LDB2: variants seen among roughly 807,000 people sequenced by gnomAD.
The protein encoded by LDB2 is LIM domain binding 2.
LDB2 carries 12 observed loss-of-function variants against 44.3 expected under a neutral mutation model. The ratio of observed to expected loss-of-function variants is 0.27; its 90% CI spans 0.17 to 0.44. The LOEUF is 0.44. LDB2 is among the 20% of genes least tolerant of loss of function. LDB2 has a pLI of 1.00. For missense variants in LDB2, 344 were observed against 473.5 expected, an observed-to-expected ratio of 0.73 and a Z score of 2.54; for synonymous variants, 164 against 174.8, an observed-to-expected ratio of 0.94 and a Z score of 0.49.
intron 2 of LDB2, among the ~76,000 whole-genome samples, chr4:16,717,806 C>A (rs940173553): frequency 1.3e-5 from 2 of 152,262 alleles, no homozygotes; most frequent in African/African-American, 4.8e-5. Flanking sequence ...GTAATGGGGG[C>A]TTCCCAGGCT....
intron 1 of LDB2, among the ~76,000 whole-genome samples, chr4:16,771,174 G>A (rs2109343937): frequency 6.6e-6 from 1 of 152,150 alleles, no homozygotes; most frequent in East Asian, 1.9e-4. Flanking sequence ...GGAGGACTGT[G>A]CCAGGACCAA....
At chr4:16,821,389 T>TTA (rs1554036994) in intron 1 of LDB2, among the ~76,000 whole-genome samples, 978 of 79,968 alleles carry the variant, frequency 0.012, 18 homozygotes, top group Middle Eastern at 0.047. Flanking sequence ...TTTTTTTTAT[T>TTA]TTTTTTTTTT....
chr4:16,844,105 A>AC (rs972028379), intron 1 of LDB2, among the ~76,000 whole-genome samples: 3 of 150,940 alleles, frequency 2.0e-5, no homozygotes, highest in African/African-American at 7.3e-5. Flanking sequence ...AAAAAAAAAA[A>AC]AATTAGCTGG....
chr4:16,676,986 T>C (rs987926239), intron 2 of LDB2, among the ~76,000 whole-genome samples: 1 of 152,174 alleles, frequency 6.6e-6, no homozygotes, highest in African/African-American at 2.4e-5. Context: ...CAAGTTGAGA[T>C]TGGATTCTTG....
chr4:16,532,429 A>C (rs1445194272), intron 5 of LDB2, among the ~76,000 whole-genome samples: 3 of 152,224 alleles, frequency 2.0e-5, no homozygotes, highest in African/African-American at 4.8e-5. Context: ...CCTTTAACCA[A>C]TGAACTGTGG....
chr4:16,543,480 T>G (rs1353215920), intron 5 of LDB2, among the ~76,000 whole-genome samples: 2 of 152,244 alleles, frequency 1.3e-5, no homozygotes, highest in Non-Finnish European at 2.9e-5. Context: ...TGATGTGAGA[T>G]GGTATCTCAT....
At chr4:16,667,447 G>A (rs970765740) in intron 2 of LDB2, among the ~76,000 whole-genome samples, 2 of 152,054 alleles carry the variant, frequency 1.3e-5, no homozygotes, top group African/African-American at 4.8e-5. Flanking sequence ...TCTAGAGGTG[G>A]GACAATTTGG....
chr4:16,856,318 CA>C (rs1789336623), intron 1 of LDB2, among the ~76,000 whole-genome samples: 4 of 152,110 alleles, frequency 2.6e-5, no homozygotes, highest in Admixed American at 2.6e-4. Context: ...TTATATTCAT[CA>C]GCTTGACTAA....
intron 5 of LDB2, among the ~76,000 whole-genome samples, chr4:16,547,409 G>C (rs1365063977): frequency 6.6e-6 from 1 of 152,186 alleles, no homozygotes; most frequent in South Asian, 2.1e-4. Context: ...TACAGTGGCT[G>C]TAGGAAATGG....
chr4:16,611,628 T>C (rs1225423476), intron 2 of LDB2, among the ~76,000 whole-genome samples: 1 of 151,562 alleles, frequency 6.6e-6, no homozygotes, highest in African/African-American at 2.4e-5. Context: ...GGGCATTACA[T>C]AGTGGTAAAC....
intron 2 of LDB2, among the ~76,000 whole-genome samples, chr4:16,662,462 G>A (rs1741857055): frequency 6.6e-6 from 1 of 152,052 alleles, no homozygotes; most frequent in Admixed American, 6.5e-5. Flanking sequence ...ATTAATATTT[G>A]GTAAAAATAT....
chr4:16,817,044 T>A lies in LDB2; in HGVS notation c.133-57784A>T, dbSNP rs1447709403. On this transcript the variant is annotated intron_variant, in intron 1 of 7. Transcript: ENST00000304523. ...CGCCAACAAGACCATGAGCTCTTTG[T>A]GGGGGGAACAGGCCCTGTGAAGGAG... Among the ~76,000 whole-genome samples, 47 of 152,276 alleles carry A rather than the reference T, an allele frequency of 3.1e-4. 2 individuals are homozygous for A. Among genetic ancestry groups the A allele is most frequent in the Non-Finnish European group, 2.9e-5 (2 of 68,024 alleles).
Position 16,672,779 on chromosome 4 carries a change from T to C in LDB2, c.236-76904A>G, listed in dbSNP as rs1366097719. Among the ~76,000 whole-genome samples, 4 of 152,106 alleles carry C rather than the reference T, an allele frequency of 2.6e-5. No homozygotes were observed. In the East Asian group the frequency reaches 7.7e-4, roughly 29 times the overall value. ...TTTCCCTGCAGTAACACTGAGAGAA[T>C]GTTTTCTTCAAGGGAAGAGAAGAAC... is the stretch of plus-strand genomic sequence containing the variant. On this transcript the variant is annotated intron_variant, in intron 2 of 7. Coordinates refer to ENST00000304523, the MANE Select transcript of LDB2 (RefSeq NM_001290.5).
intron 1 of LDB2, among the ~76,000 whole-genome samples, chr4:16,776,587 T>G (rs1771955708): frequency 6.6e-6 from 1 of 152,184 alleles, no homozygotes; most frequent in Non-Finnish European, 1.5e-5. Flanking sequence ...GAGCGCCTAC[T>G]TTGCGCGAGA....
At chr4:16,690,812 A>T (rs1750588527) in intron 2 of LDB2, among the ~76,000 whole-genome samples, 1 of 152,186 alleles carries the variant, frequency 6.6e-6, no homozygotes, top group Admixed American at 6.5e-5. Context: ...AAACTGTGGT[A>T]AACTTCTTAA....
chr4:16,519,108 G>A (rs1724978162), intron 5 of LDB2, among the ~76,000 whole-genome samples: 1 of 152,066 alleles, frequency 6.6e-6, no homozygotes, highest in African/African-American at 2.4e-5. Context: ...CTTATCTACG[G>A]CAAGCTATAT....
At chr4:16,762,404 C>G (rs1171999953) in intron 1 of LDB2, among the ~76,000 whole-genome samples, 1 of 152,126 alleles carries the variant, frequency 6.6e-6, no homozygotes, top group Non-Finnish European at 1.5e-5. Context: ...CATTCTCACA[C>G]TGCTATGAAG....
intron 5 of LDB2, among the ~76,000 whole-genome samples, chr4:16,537,358 C>T (rs778663803): frequency 8.5e-5 from 13 of 152,162 alleles, no homozygotes; most frequent in Admixed American, 3.3e-4. Flanking sequence ...GGGTGAAAAC[C>T]CAAGTACAGA....
intron 2 of LDB2, among the ~76,000 whole-genome samples, chr4:16,654,365 G>A (rs995314922): frequency 6.6e-6 from 1 of 152,078 alleles, no homozygotes; most frequent in Admixed American, 6.5e-5. Flanking sequence ...TTTAGAGTAA[G>A]GCAGGGGAAA....
Sources: gnomAD v4.1 joint callset for allele counts (sites outside exome capture counted in the v4.1 genomes callset) on GRCh38, gnomAD v4.1.1 for gene constraint, MANE v1.5 for transcripts, NCBI Gene and HGNC (gene_info 2026-07-23, HGNC 2026-07-21) for gene names.